The following MARCHF11 variants were observed in gnomAD, a reference collection of about 807,000 sequenced individuals.
MARCHF11 encodes membrane associated ring-CH-type finger 11, also known as E3 ubiquitin-protein ligase MARCHF11.
MARCHF11 carries 29 observed loss-of-function variants against 37.3 expected under a neutral mutation model. That is an observed-to-expected ratio of 0.78 (90% CI 0.58 to 1.06). MARCHF11 has a LOEUF of 1.06. Among genes scored for constraint, MARCHF11 ranks in the 50% least tolerant of loss-of-function variants. The pLI is 0.00. For synonymous variants in MARCHF11, 233 were observed against 228.0 expected (o/e 1.02, Z -0.20); for missense variants, 482 against 533.4 (o/e 0.90, Z 0.95).
At chr5:16,121,507 C>G (rs548900121) in intron 2 of MARCHF11, among the ~76,000 whole-genome samples, 11 of 152,234 alleles carry the variant, frequency 7.2e-5, no homozygotes, top group African/African-American at 2.6e-4. Flanking sequence ...GCAATAACTA[C>G]TATAGAGAGA....
At chr5:16,075,017 G>T (rs2126545350) in intron 3 of MARCHF11, among the ~76,000 whole-genome samples, 1 of 152,328 alleles carries the variant, frequency 6.6e-6, no homozygotes, top group East Asian at 1.9e-4. Context: ...CTGCCTGGAA[G>T]AACAAGATGG....
At chr5:16,088,508 A>G (rs947821965) in intron 3 of MARCHF11, among the ~76,000 whole-genome samples, 2 of 152,180 alleles carry the variant, frequency 1.3e-5, no homozygotes, top group African/African-American at 4.8e-5. Context: ...AACAATCAAT[A>G]TAATCTTTGT....
intron 3 of MARCHF11, among the ~76,000 whole-genome samples, chr5:16,083,227 G>T (rs1260735367): frequency 6.6e-6 from 1 of 152,126 alleles, no homozygotes; most frequent in Non-Finnish European, 1.5e-5. Flanking sequence ...CTGTGCAAGT[G>T]GTCCCGAATC....
At chr5:16,116,562 G>A (rs1737229600) in intron 2 of MARCHF11, among the ~76,000 whole-genome samples, 1 of 151,978 alleles carries the variant, frequency 6.6e-6, no homozygotes, top group South Asian at 2.1e-4. Flanking sequence ...TGTGCTATTG[G>A]TTTCACTCTG....
chr5:16,177,373 C>A (rs73046507), intron 2 of MARCHF11, among the ~76,000 whole-genome samples: 1 of 152,042 alleles, frequency 6.6e-6, no homozygotes, highest in African/African-American at 2.4e-5. Context: ...CTTAAGTTAA[C>A]AAAATATTAA....
intron 2 of MARCHF11, among the ~76,000 whole-genome samples, chr5:16,144,325 T>C (rs1240605933): frequency 6.6e-6 from 1 of 152,160 alleles, no homozygotes; most frequent in Non-Finnish European, 1.5e-5. Flanking sequence ...CCCTTGAAAA[T>C]GGATTTTAAC....
chr5:16,108,646 G>GGA (rs1364478077), intron 2 of MARCHF11, among the ~76,000 whole-genome samples: 3 of 152,040 alleles, frequency 2.0e-5, no homozygotes, highest in East Asian at 3.9e-4. Context: ...CTGGGGCAGG[G>GGA]GAGAGAGAGA....
chr5:16,088,215 T>C (rs1474041727), intron 3 of MARCHF11, among the ~76,000 whole-genome samples: 1 of 152,184 alleles, frequency 6.6e-6, no homozygotes, highest in Non-Finnish European at 1.5e-5. Flanking sequence ...GCAGAGTTCA[T>C]CCCTCCTGGT....
At chr5:16,073,440 C>A (rs996519384) in intron 3 of MARCHF11, among the ~76,000 whole-genome samples, 4 of 152,110 alleles carry the variant, frequency 2.6e-5, no homozygotes, top group African/African-American at 9.7e-5. Context: ...AAGTCACTAT[C>A]TATTGTTGGG....
At chr5:16,134,023 C>T (rs1737565541) in intron 2 of MARCHF11, among the ~76,000 whole-genome samples, 1 of 152,130 alleles carries the variant, frequency 6.6e-6, no homozygotes, top group Non-Finnish European at 1.5e-5. Context: ...GACTCATAAA[C>T]ATCATAAACT....
At chr5:16,159,011 T>C (rs1579418691) in intron 2 of MARCHF11, among the ~76,000 whole-genome samples, 2 of 151,930 alleles carry the variant, frequency 1.3e-5, no homozygotes, top group Non-Finnish European at 2.9e-5. Context: ...ATAATGGATA[T>C]GCCAACTAGC....
chr5:16,134,379 G>C (rs540021524), intron 2 of MARCHF11, among the ~76,000 whole-genome samples: 5 of 152,224 alleles, frequency 3.3e-5, no homozygotes, highest in East Asian at 3.9e-4. Context: ...CTGCAAGTCT[G>C]ATCTCTTATT....
At chr5:16,177,434 T>A (rs1168731964) in intron 2 of MARCHF11, among the ~76,000 whole-genome samples, 1 of 152,200 alleles carries the variant, frequency 6.6e-6, no homozygotes, top group Non-Finnish European at 1.5e-5. Flanking sequence ...TTAAGTGTGG[T>A]ACAAGTCATT....
intron 2 of MARCHF11, among the ~76,000 whole-genome samples, chr5:16,114,694 T>G (rs1476998787): frequency 6.6e-6 from 1 of 152,034 alleles, no homozygotes; most frequent in Non-Finnish European, 1.5e-5. Context: ...CTCACTATGT[T>G]GCCCAGGCTG....
intron 2 of MARCHF11, among the ~76,000 whole-genome samples, chr5:16,143,567 G>A (rs1737752810): frequency 6.6e-6 from 1 of 152,242 alleles, no homozygotes; most frequent in South Asian, 2.1e-4. Context: ...ACACTGTTCA[G>A]CCGGAATGTG....
rs1309806212 is a variant in MARCHF11 at position 16,157,766 on chromosome 5, T to C, written c.693+19960A>G. 2.0e-5 allele frequency among the ~76,000 whole-genome samples: 3 copies of C among 151,786 alleles called. No individual in the cohort carries two copies. In the East Asian group the frequency reaches 5.8e-4, roughly 29 times the overall value. On this transcript the variant is annotated intron_variant, in intron 2 of 3. Coordinates refer to ENST00000332432, the MANE Select transcript of MARCHF11 (RefSeq NM_001102562.3). The stretch of plus-strand genomic sequence containing the variant: ...AACACAGAGGAAAACCTCCAAGAGA[T>C]TGATCTTGGCAATGATTTTTTTGGA...
chr5:16,091,224 C>T (rs775290535), intron 2 of MARCHF11, 143 bp from the exon 3 acceptor site: 5 of 587,790 alleles, frequency 8.5e-6, no homozygotes, highest in Non-Finnish European at 1.4e-5. Flanking sequence ...TTCATTTCAT[C>T]CAGGCTATAA....
chr5:16,114,689 T>C (rs747656113), intron 2 of MARCHF11, among the ~76,000 whole-genome samples: 1 of 151,858 alleles, frequency 6.6e-6, no homozygotes, highest in Non-Finnish European at 1.5e-5. Context: ...GAGGTCTCAC[T>C]ATGTTGCCCA....
chr5:16,101,007 A>G (rs898094844), intron 2 of MARCHF11, among the ~76,000 whole-genome samples: 4 of 152,182 alleles, frequency 2.6e-5, no homozygotes, highest in African/African-American at 9.7e-5. Flanking sequence ...ACTTGCAAGT[A>G]TTAATTTGCC....
Sources: allele counts gnomAD v4.1 joint callset (sites outside exome capture counted in the v4.1 genomes callset), GRCh38; gene constraint gnomAD v4.1.1; transcripts MANE v1.5; gene names NCBI Gene and HGNC (gene_info 2026-07-23, HGNC 2026-07-21).